Variants in PAN3 observed in about 807,000 individuals in gnomAD.
PAN3 encodes PAN2-PAN3 deadenylation complex subunit PAN3.
In PAN3, 19 loss-of-function variants were observed where a neutral mutation model predicts 96.2. The observed-to-expected ratio is 0.20, with a 90% CI of 0.14 to 0.29. The LOEUF (loss-of-function observed/expected upper bound fraction) is 0.29. Ranked by LOEUF, PAN3 falls within the 10% of genes least tolerant of loss-of-function variation. The probability of loss-of-function intolerance (pLI) is 1.00; values close to 1 mark genes in which losing one functional copy is unlikely to be tolerated. For missense variants in PAN3, 882 were observed against 1,108.1 expected (o/e 0.80, Z 2.90); for synonymous variants, 433 against 406.6 (o/e 1.06, Z -0.78).
chr13:28,280,372 A>G (rs762016709), intron 15 of PAN3, 40 bp from the exon 16 acceptor site: 5 of 1,572,956 alleles, frequency 3.2e-6, no homozygotes, highest in African/African-American at 1.4e-5. Context: ...TTTAAATTGC[A>G]TGTTGGACAT....
intron 17 of PAN3, among the ~76,000 whole-genome samples, chr13:28,283,531 C>T (rs1042345335): frequency 2.0e-5 from 3 of 152,082 alleles, no homozygotes; most frequent in Admixed American, 1.3e-4. Flanking sequence ...TCCAGAGTTA[C>T]AAATACAACT....
chr13:28,264,020 GATA>G (rs1487882227), intron 9 of PAN3, among the ~76,000 whole-genome samples: 1 of 151,998 alleles, frequency 6.6e-6, no homozygotes, highest in Non-Finnish European at 1.5e-5. Context: ...TTTGACACTT[GATA>G]ATATAGTTTT....
chr13:28,262,503 G>C (rs1213997827), intron 9 of PAN3, among the ~76,000 whole-genome samples: 1 of 152,100 alleles, frequency 6.6e-6, no homozygotes, highest in Non-Finnish European at 1.5e-5. Context: ...GATCTTTCCA[G>C]GTAAGGTGGG....
At chr13:28,263,675 T>C (rs183768621) in intron 9 of PAN3, among the ~76,000 whole-genome samples, 137 of 152,256 alleles carry the variant, frequency 9.0e-4, no homozygotes, top group African/African-American at 3.0e-3. Flanking sequence ...AATTGGGTCA[T>C]TATCTCAAGC....
At chr13:28,176,410 C>A in intron 2 of PAN3, 83 bp from the exon 3 acceptor site, 4 of 1,243,908 alleles carry the variant, frequency 3.2e-6, no homozygotes, top group Admixed American at 1.7e-5. Context: ...GGGGAAGAAG[C>A]AAAGAGAGCC....
chr13:28,275,328 C>T (rs2138691968), intron 14 of PAN3, among the ~76,000 whole-genome samples: 1 of 152,114 alleles, frequency 6.6e-6, no homozygotes, highest in Non-Finnish European at 1.5e-5. Flanking sequence ...TTTTTAAACC[C>T]ATCTGGTTCT....
chr13:28,163,933 G>A (rs1161013969), intron 1 of PAN3, among the ~76,000 whole-genome samples: 3 of 151,838 alleles, frequency 2.0e-5, no homozygotes, highest in Non-Finnish European at 2.9e-5. Flanking sequence ...CTAATTAAAC[G>A]AAAAGTTTTA....
In PAN3 at chr13:28,287,898, A is replaced by G. The variant is rs1869189723; in HGVS notation, c.2385-86A>G. The G allele has an allele frequency of 2.2e-6, 3 of 1,340,228 alleles. No individual in the cohort carries two copies. In the African/African-American group the frequency reaches 4.5e-5, roughly 20 times the overall value. 83.0% of individuals were successfully genotyped at this position (1,340,228 alleles called of 1,614,324 possible). A position where few individuals can be genotyped will look rare whatever the true frequency, so the allele number is the denominator to read the frequency against. Reference sequence around the variant, plus strand: ...AATTTTTTGTTTATTGGGAAAAAGTAAAACTAGTTTGGAGTCTAAAAAATA... The same window carrying G: ...AATTTTTTGTTTATTGGGAAAAAGTGAAACTAGTTTGGAGTCTAAAAAATA... On this transcript the variant is annotated intron_variant, in intron 17 of 18. Coordinates refer to ENST00000380958, the MANE Select transcript of PAN3 (RefSeq NM_175854.8).
At chr13:28,203,907 G>A (rs566918647) in intron 5 of PAN3, among the ~76,000 whole-genome samples, 109 of 150,706 alleles carry the variant, frequency 7.2e-4, no homozygotes, top group Middle Eastern at 6.9e-3. Context: ...AGCTTCAAGC[G>A]ATTCTCCTGT....
chr13:28,271,738 G>A lies in PAN3; in HGVS notation c.1959-243G>A, dbSNP rs45499496. On this transcript the variant is annotated intron_variant, in intron 13 of 18. Transcript: ENST00000380958. ...CTGACCTGTTAGTCAAGAGATGTGA[G>A]TTATAGTTCTGGCTTTCTCAGTTTC... Among the ~76,000 whole-genome samples the A allele has an allele frequency of 4.6e-3, 705 of 152,300 alleles. 4 individuals are homozygous for A. Among genetic ancestry groups the A allele is most frequent in the African/African-American group, 0.015 (620 of 41,552 alleles).
At chr13:28,232,744 G>A (rs1438096720) in intron 6 of PAN3, 1 of 152,126 alleles carries the variant, frequency 6.6e-6, no homozygotes, top group Non-Finnish European at 1.5e-5. Flanking sequence ...ATCACATTAA[G>A]TGTTTAGATA....
At chr13:28,284,028 T>TGTG (rs1868644427) in intron 17 of PAN3, among the ~76,000 whole-genome samples, 1 of 152,202 alleles carries the variant, frequency 6.6e-6, no homozygotes, top group Admixed American at 6.5e-5. Context: ...ATACTTAATC[T>TGTG]TATATATATG....
At chr13:28,259,829 G>A (rs976716163) in intron 7 of PAN3, among the ~76,000 whole-genome samples, 2 of 151,758 alleles carry the variant, frequency 1.3e-5, no homozygotes, top group African/African-American at 4.8e-5. Context: ...GTAGAGACCA[G>A]GTTTCTCCAT....
chr13:28,239,162 A>AAC (rs71086840), intron 6 of PAN3, among the ~76,000 whole-genome samples: 9,434 of 76,712 alleles, frequency 0.12, 681 homozygotes, highest in East Asian at 0.21. Context: ...CACCCCCGCC[A>AAC]ACACACACAC....
At chr13:28,224,816 T>A (rs1881822828) in intron 6 of PAN3, among the ~76,000 whole-genome samples, 1 of 152,016 alleles carries the variant, frequency 6.6e-6, no homozygotes, top group African/African-American at 2.4e-5. Flanking sequence ...TAGAGACGAG[T>A]TCTCACTATA....
chr13:28,205,125 C>T (rs1358355713), intron 5 of PAN3, among the ~76,000 whole-genome samples: 10 of 151,890 alleles, frequency 6.6e-5, no homozygotes, highest in Non-Finnish European at 1.5e-4. Context: ...TGGTTGGAAA[C>T]TCACTAGATT....
At chr13:28,247,493 G>A (rs769744575) in intron 6 of PAN3, among the ~76,000 whole-genome samples, 8 of 152,000 alleles carry the variant, frequency 5.3e-5, no homozygotes, top group South Asian at 4.1e-4. Context: ...GAGATCTTAC[G>A]CAAAATATCT....
At chr13:28,147,673 A>T (rs534790712) in intron 1 of PAN3, among the ~76,000 whole-genome samples, 6 of 152,182 alleles carry the variant, frequency 3.9e-5, no homozygotes, top group Non-Finnish European at 5.9e-5. Flanking sequence ...CGAATCACTA[A>T]CCTGGGAAAA....
intron 1 of PAN3, among the ~76,000 whole-genome samples, chr13:28,157,022 T>G (rs1298702538): frequency 9.3e-6 from 1 of 107,952 alleles, no homozygotes; most frequent in African/African-American, 3.6e-5. Flanking sequence ...AAAAAAAAGC[T>G]AAATCACCAT....
Sources: allele counts gnomAD v4.1 joint callset (sites outside exome capture counted in the v4.1 genomes callset), GRCh38; gene constraint gnomAD v4.1.1; transcripts MANE v1.5; gene names NCBI Gene and HGNC (gene_info 2026-07-23, HGNC 2026-07-21).